Variants in DGKG observed in about 807,000 individuals in gnomAD.
The protein encoded by DGKG is diacylglycerol kinase gamma, also known as DAG kinase gamma.
Under a neutral mutation model 105.3 loss-of-function variants are expected in DGKG, and 78 were observed. The ratio of observed to expected loss-of-function variants is 0.74; its 90% CI spans 0.62 to 0.89. The LOEUF (loss-of-function observed/expected upper bound fraction) is 0.89. Among genes scored for constraint, DGKG ranks in the 40% least tolerant of loss-of-function variants. The probability of loss-of-function intolerance (pLI) is 0.00; values close to 1 mark genes in which losing one functional copy is unlikely to be tolerated. For synonymous variants in DGKG, 346 were observed against 367.1 expected, an observed-to-expected ratio of 0.94 and a Z score of 0.66; for missense variants, 958 against 1,020.1, an observed-to-expected ratio of 0.94 and a Z score of 0.83.
At chr3:186,266,259 G>A (rs918259579) in intron 13 of DGKG, among the ~76,000 whole-genome samples, 4 of 152,066 alleles carry the variant, frequency 2.6e-5, no homozygotes, top group African/African-American at 4.8e-5. Context: ...AGCTTCTTTG[G>A]TTCAGCATTA....
rs1204678170 is a variant in DGKG, at chr3:186,203,486, T to C, written c.1917+8309A>G. 6.6e-6 allele frequency among the ~76,000 whole-genome samples: 1 copy of C among 152,136 alleles called. No homozygotes were observed. Among genetic ancestry groups the C allele is most frequent in the East Asian group, 1.9e-4 (1 of 5,204 alleles). The stretch of plus-strand genomic sequence containing the variant: ...CGGGAAAAGAGGTTAGCCCACATAT[T>C]AGGAGTAGCGGAAAGAAACCGATTA... On this transcript the variant is annotated intron_variant, in intron 21 of 24. Transcript: ENST00000265022. This position sits in a 1 kb window ranked among gnomAD's most constrained non-coding sequence, Gnocchi z 4.9.
intron 22 of DGKG, 35 bp from the exon 23 acceptor site, chr3:186,165,053 A>G: frequency 6.3e-7 from 1 of 1,594,880 alleles, no homozygotes; most frequent in Non-Finnish European, 8.5e-7. Flanking sequence ...GTGCATACAC[A>G]TCTCTGTGTT....
In DGKG at chr3:186,203,944, C is replaced by A. The variant is rs1718596499; in HGVS notation, c.1917+7851G>T. On this transcript the variant is annotated intron_variant, in intron 21 of 24. Coordinates refer to ENST00000265022, the MANE Select transcript of DGKG (RefSeq NM_001346.3). This position sits in a 1 kb window ranked among gnomAD's most constrained non-coding sequence, Gnocchi z 4.9. ...TCAGGAGAGACCAAGACTTGAAGACCTCTTTCCCTCTAGTTTAAGAGTGTG... is the reference window on the plus strand; with the variant it reads ...TCAGGAGAGACCAAGACTTGAAGACATCTTTCCCTCTAGTTTAAGAGTGTG... 6.6e-6 allele frequency among the ~76,000 whole-genome samples: 1 copy of A among 152,184 alleles called. No individual in the cohort carries two copies. Among genetic ancestry groups the A allele is most frequent in the Non-Finnish European group, 1.5e-5 (1 of 68,038 alleles).
At chr3:186,188,928 C>A (rs1375036759) in intron 21 of DGKG, among the ~76,000 whole-genome samples, 1 of 152,210 alleles carries the variant, frequency 6.6e-6, no homozygotes, top group Non-Finnish European at 1.5e-5. Flanking sequence ...GATTCTCCTG[C>A]CTCAGCCTCC....
intron 20 of DGKG, among the ~76,000 whole-genome samples, chr3:186,216,315 C>T (rs928042873): frequency 1.3e-5 from 2 of 152,016 alleles, no homozygotes; most frequent in African/African-American, 4.8e-5. Flanking sequence ...CTTTTAATAG[C>T]ATCACCAAGA....
rs1190465051 is a variant in DGKG at position 186,147,502 on chromosome 3, A to AAAC, written c.*2585_*2587dup. ...AAAGGATGATTTGCAAGGCACGATT[A>AAAC]AACAACAACACAAGATTTACTAAGG... On this transcript the variant is annotated 3_prime_UTR_variant, in exon 25 of 25. Coordinates refer to ENST00000265022, the MANE Select transcript of DGKG (RefSeq NM_001346.3). 3.0e-6 allele frequency: 3 copies of AAAC among 985,290 alleles called. No homozygotes were observed. In the African/African-American group the frequency reaches 5.2e-5, roughly 17 times the overall value. 61.0% of individuals were successfully genotyped at this position (985,290 alleles called of 1,614,324 possible).
chr3:186,222,901 C>G (rs1719658438), intron 20 of DGKG, among the ~76,000 whole-genome samples: 1 of 150,130 alleles, frequency 6.7e-6, no homozygotes, highest in Non-Finnish European at 1.5e-5. Context: ...TTGCTTGAAC[C>G]TGGGAGGCAG....
Position 186,147,360 on chromosome 3 carries a change from G to C in DGKG, c.*2730C>G. ...TTGAGAAGTCACTAAACCTCATTAA[G>C]CCTTGTTCTCCTCATTGAGATCGAG... On this transcript the variant is annotated 3_prime_UTR_variant, in exon 25 of 25. Transcript: ENST00000265022. 1.0e-6 allele frequency: 1 copy of C among 979,220 alleles called. No individual in the cohort carries two copies. The highest frequency in any genetic ancestry group is 1.2e-6 in the Non-Finnish European group (1 of 823,890). The allele number at this position is 979,220 out of a possible 1,614,324, so 60.7% of individuals were successfully genotyped here.
At chr3:186,225,628 C>T (rs140322121) in intron 20 of DGKG, among the ~76,000 whole-genome samples, 3 of 152,238 alleles carry the variant, frequency 2.0e-5, no homozygotes, top group East Asian at 1.9e-4. Context: ...TGGCAATGAT[C>T]GACGGCCACT....
At position 186,353,656 on chromosome 3, in the gene DGKG, G is replaced by GTCTATATCTATATCTATATCTATA. The variant is rs200198956; in HGVS notation, c.-249+8266_-249+8289dup. On this transcript the variant is annotated intron_variant, in intron 1 of 24. Coordinates refer to ENST00000265022, the MANE Select transcript of DGKG (RefSeq NM_001346.3). ...TATCTATATCTATATCTATGTCTAT[G>GTCTATATCTATATCTATATCTATA]TCTATATCTATATCTATATCTATAT... Among the ~76,000 whole-genome samples, 823 of 116,142 alleles carry GTCTATATCTATATCTATATCTATA rather than the reference G, an allele frequency of 7.1e-3. 10 individuals are homozygous for GTCTATATCTATATCTATATCTATA. Among genetic ancestry groups the GTCTATATCTATATCTATATCTATA allele is most frequent in the Non-Finnish European group, 0.011 (605 of 57,314 alleles). The allele number at this position is 116,142 out of a possible 152,430, so 76.2% of individuals were successfully genotyped here.
At chr3:186,228,913 T>C (rs1278621020) in intron 20 of DGKG, among the ~76,000 whole-genome samples, 1 of 152,174 alleles carries the variant, frequency 6.6e-6, no homozygotes, top group Non-Finnish European at 1.5e-5. Context: ...TATGCTAAAG[T>C]CCTCACTCTC....
rs530064431 is a variant in DGKG, at chr3:186,237,257, C to T, written c.1826+5247G>A. 2.6e-5 allele frequency among the ~76,000 whole-genome samples: 4 copies of T among 152,316 alleles called. No homozygotes were observed. In the East Asian group the frequency reaches 7.7e-4, roughly 29 times the overall value. On this transcript the variant is annotated intron_variant, in intron 20 of 24. Transcript: ENST00000265022. Reference sequence around the variant, plus strand: ...TTAATTCCTCTGTCCTTGCCAGGGCCACCTCATAGGTGTGAGATGTGGACT... The same window carrying T: ...TTAATTCCTCTGTCCTTGCCAGGGCTACCTCATAGGTGTGAGATGTGGACT...
At chr3:186,251,986 G>T in intron 18 of DGKG, 67 bp from the exon 19 acceptor site, 1 of 1,464,238 alleles carries the variant, frequency 6.8e-7, no homozygotes, top group Non-Finnish European at 9.1e-7. Flanking sequence ...TGCACAGGTA[G>T]TTGTCAGGGC....
At chr3:186,244,085 C>A (rs887422291) in intron 19 of DGKG, among the ~76,000 whole-genome samples, 2 of 151,736 alleles carry the variant, frequency 1.3e-5, no homozygotes, top group African/African-American at 4.8e-5. Flanking sequence ...TTAGTAGAGA[C>A]GGGTCTTCGC....
Position 186,304,537 on chromosome 3 carries a change from C to T in DGKG, c.144+2364G>A, listed in dbSNP as rs142913600. Among the ~76,000 whole-genome samples, 13 of 152,280 alleles carry T rather than the reference C, an allele frequency of 8.5e-5. No individual in the cohort carries two copies. In the East Asian group the frequency reaches 2.5e-3, roughly 29 times the overall value. On this transcript the variant is annotated intron_variant, in intron 3 of 24. Coordinates refer to ENST00000265022, the MANE Select transcript of DGKG (RefSeq NM_001346.3). Reference sequence around the variant, plus strand: ...TGAATAAGAAAGTGGCCAGTCTCTCCCTAAGTGAATCCTGCAGATCAGTCA... The same window carrying T: ...TGAATAAGAAAGTGGCCAGTCTCTCTCTAAGTGAATCCTGCAGATCAGTCA...
intron 1 of DGKG, among the ~76,000 whole-genome samples, chr3:186,339,650 A>T (rs1019146706): frequency 6.6e-6 from 1 of 152,168 alleles, no homozygotes; most frequent in Non-Finnish European, 1.5e-5. Context: ...TTACTGAAGC[A>T]TGTGTGTGGG....
In DGKG at chr3:186,306,461, T is replaced by C. The variant is rs1319734900; in HGVS notation, c.144+440A>G. On this transcript the variant is annotated intron_variant, in intron 3 of 24. Coordinates refer to ENST00000265022, the MANE Select transcript of DGKG (RefSeq NM_001346.3). ...ATGTTGCTGAAGCAATGCCTGTAAG[T>C]AGGCCAAAAGAGGATGGGGTTGAGT... Among the ~76,000 whole-genome samples the C allele has an allele frequency of 1.3e-5, 2 of 151,610 alleles. 1 individual carries two copies. The highest frequency in any genetic ancestry group is 4.2e-4 in the South Asian group (2 of 4,804).
At chr3:186,252,870 T>C (rs1721290044) in intron 18 of DGKG, among the ~76,000 whole-genome samples, 2 of 152,128 alleles carry the variant, frequency 1.3e-5, no homozygotes, top group Admixed American at 1.3e-4. Flanking sequence ...AACTCGGGGC[T>C]GAGGGAGAAA....
In DGKG at chr3:186,265,402, G is replaced by T. The variant is rs1342539278; in HGVS notation, c.1210-96C>A. On this transcript the variant is annotated intron_variant, in intron 13 of 24. Coordinates refer to ENST00000265022, the MANE Select transcript of DGKG (RefSeq NM_001346.3). ...AAAACAAACGGCTGATATAAAGAAAGAGATCAGAAAGCTAGTGTAGTATGG... is the reference window on the plus strand; with the variant it reads ...AAAACAAACGGCTGATATAAAGAAATAGATCAGAAAGCTAGTGTAGTATGG... 17 of 1,142,814 alleles carry T rather than the reference G, an allele frequency of 1.5e-5. No individual in the cohort carries two copies. The African/African-American group carries it at 2.5e-4, about 17-fold the overall frequency. The allele number at this position is 1,142,814 out of a possible 1,614,324, so 70.8% of individuals were successfully genotyped here.
Sources: gnomAD v4.1 joint callset for allele counts (sites outside exome capture counted in the v4.1 genomes callset) on GRCh38, gnomAD v4.1.1 for gene constraint, Gnocchi (gnomAD v3.1) non-coding constraint, MANE v1.5 for transcripts, NCBI Gene and HGNC (gene_info 2026-07-23, HGNC 2026-07-21) for gene names.